The following WARS1 variants were observed in gnomAD, a reference collection of about 807,000 sequenced individuals.
The protein encoded by WARS1 is tryptophan--tRNA ligase, cytoplasmic.
WARS1 carries 17 observed loss-of-function variants against 47.8 expected under a neutral mutation model. The ratio of observed to expected loss-of-function variants is 0.36; its 90% CI spans 0.24 to 0.53. The LOEUF (loss-of-function observed/expected upper bound fraction) is 0.53. WARS1 is among the 20% of genes least tolerant of loss of function. The pLI, the probability that WARS1 is intolerant of heterozygous loss-of-function variation, is 0.91. For missense variants in WARS1, 434 were observed against 608.0 expected (o/e 0.71, Z 3.01); for synonymous variants, 208 against 228.1 (o/e 0.91, Z 0.79).
chr14:100,366,980 A>C, intron 2 of WARS1: 1 of 1,310,456 alleles, frequency 7.6e-7, no homozygotes, highest in Non-Finnish European at 1.1e-6. Context: ...AGATTTCTTC[A>C]CTGTAGCCTA....
chr14:100,352,633 C>T (rs1895069627), intron 6 of WARS1, among the ~76,000 whole-genome samples: 1 of 152,162 alleles, frequency 6.6e-6, no homozygotes, highest in Non-Finnish European at 1.5e-5. Flanking sequence ...TGGGGAATCA[C>T]TTTAGGGGAG....
At chr14:100,342,264 TC>T in intron 9 of WARS1, 133 bp downstream of exon 9, 1 of 1,277,026 alleles carries the variant, frequency 7.8e-7, no homozygotes, top group Non-Finnish European at 1.1e-6. Flanking sequence ...AAGTTGGCAA[TC>T]CTGGAGTTCA....
intron 2 of WARS1, chr14:100,366,598 G>A: frequency 2.8e-6 from 2 of 715,906 alleles, no homozygotes; most frequent in Non-Finnish European, 5.1e-6. Flanking sequence ...AGAGTTGAGT[G>A]TCCTGAGAGG....
intron 2 of WARS1, chr14:100,367,048 TAA>T (rs555512348): frequency 1.6e-5 from 10 of 610,730 alleles, no homozygotes; most frequent in African/African-American, 3.8e-5. Flanking sequence ...AAAATAAGAT[TAA>T]AAAAAAAAAT....
chr14:100,356,318 T>C (rs950395945), intron 4 of WARS1, among the ~76,000 whole-genome samples: 3 of 147,526 alleles, frequency 2.0e-5, no homozygotes, highest in African/African-American at 7.4e-5. Context: ...AACCATGCCA[T>C]GCTAAGATAA....
At chr14:100,346,884 C>G in intron 6 of WARS1, 38 bp from the exon 7 acceptor site, 1 of 1,575,524 alleles carries the variant, frequency 6.3e-7, no homozygotes, top group Non-Finnish European at 8.7e-7. Flanking sequence ...AAACGGAGGG[C>G]GGCCTTCACT....
At chr14:100,364,116 A>T (rs986875989) in intron 2 of WARS1, among the ~76,000 whole-genome samples, 1 of 152,188 alleles carries the variant, frequency 6.6e-6, no homozygotes, top group African/African-American at 2.4e-5. Flanking sequence ...GTGAAAATTC[A>T]GTGAGGTGCC....
At chr14:100,344,914 G>A (rs548745226) in intron 7 of WARS1, among the ~76,000 whole-genome samples, 1,766 of 149,936 alleles carry the variant, frequency 0.012, 103 homozygotes, top group Admixed American at 0.098. Flanking sequence ...AGTGAGGAGC[G>A]TCTCCGCCCA....
intron 9 of WARS1, among the ~76,000 whole-genome samples, chr14:100,337,877 AAAATAAATAAAT>A: frequency 6.6e-6 from 1 of 152,182 alleles, no homozygotes; most frequent in East Asian, 1.9e-4. Context: ...AAAAACTAAA[AAAATAAATAAAT>A]AAAAGAAAAA....
Position 100,356,076 on chromosome 14 carries a change from C to G in WARS1, c.423-1510G>C, listed in dbSNP as rs192716753. On this transcript the variant is annotated intron_variant, in intron 4 of 10. Coordinates refer to ENST00000392882, the MANE Select transcript of WARS1 (RefSeq NM_004184.4). ...CATGTTTTATGAGGATGGATTCCAGCAGAGACTCATTCAGCTACTAAGGGA... is the reference window on the plus strand; with the variant it reads ...CATGTTTTATGAGGATGGATTCCAGGAGAGACTCATTCAGCTACTAAGGGA... 5.9e-5 allele frequency among the ~76,000 whole-genome samples: 9 copies of G among 152,236 alleles called. No homozygotes were observed. In the East Asian group the frequency reaches 1.7e-3, roughly 29 times the overall value.
chr14:100,355,741 T>C (rs987598974), intron 4 of WARS1, among the ~76,000 whole-genome samples: 34 of 152,232 alleles, frequency 2.2e-4, no homozygotes, highest in African/African-American at 7.5e-4. Flanking sequence ...ACATTGCTTA[T>C]CTCTGGACAG....
rs762143188 is a variant in WARS1 at position 100,360,702 on chromosome 14, G to A, written c.314-40C>T. ...AAGATGACTTTCTTAGGTGGCAGGA[G>A]GTTTAGTGATCAGATATTACTGAAA... On this transcript the variant is annotated intron_variant, in intron 3 of 10. Coordinates refer to ENST00000392882, the MANE Select transcript of WARS1 (RefSeq NM_004184.4). The A allele has an allele frequency of 6.0e-5, 88 of 1,470,572 alleles. No homozygotes were observed. The Admixed American group carries it at 1.4e-3, about 24-fold the overall frequency. 91.1% of individuals were successfully genotyped at this position (1,470,572 alleles called of 1,614,324 possible). A position where few individuals can be genotyped will look rare whatever the true frequency, so the allele number is the denominator to read the frequency against.
intron 7 of WARS1, among the ~76,000 whole-genome samples, chr14:100,344,236 C>T (rs1340372545): frequency 6.6e-6 from 1 of 152,126 alleles, no homozygotes; most frequent in Admixed American, 6.5e-5. Context: ...GCGCGCGCCG[C>T]CACGCCTGAC....
intron 2 of WARS1, among the ~76,000 whole-genome samples, chr14:100,363,416 C>T (rs1017237568): frequency 5.3e-5 from 8 of 152,244 alleles, no homozygotes; most frequent in Admixed American, 2.6e-4. Context: ...CTGATGTTAG[C>T]TGGGTGCAGT....
intron 7 of WARS1, 28 bp from the exon 8 acceptor site, chr14:100,343,415 C>A (rs187947776): frequency 9.8e-4 from 1,527 of 1,556,550 alleles, no homozygotes; most frequent in Non-Finnish European, 1.2e-3. Flanking sequence ...TATTTTTACA[C>A]GTGAGATGAG....
At chr14:100,350,928 T>C (rs1407324634) in intron 6 of WARS1, among the ~76,000 whole-genome samples, 1 of 151,970 alleles carries the variant, frequency 6.6e-6, no homozygotes, top group East Asian at 1.9e-4. Context: ...TTAGCTAAGC[T>C]GGGGGTGGCA....
intron 3 of WARS1, among the ~76,000 whole-genome samples, chr14:100,361,004 T>C (rs185338188): frequency 2.8e-4 from 43 of 152,074 alleles, no homozygotes; most frequent in African/African-American, 9.4e-4. Flanking sequence ...TAGGTATATA[T>C]ATATATATTT....
chr14:100,375,117 T>C (rs1566874296), intron 1 of WARS1, among the ~76,000 whole-genome samples, 166 bp downstream of exon 1: 1 of 152,196 alleles, frequency 6.6e-6, no homozygotes, highest in African/African-American at 2.4e-5. Flanking sequence ...AGGATCTCTG[T>C]TCCCTATGGG....
At chr14:100,374,725 A>C (rs1236410708) in intron 1 of WARS1, 1 of 152,200 alleles carries the variant, frequency 6.6e-6, no homozygotes, top group Non-Finnish European at 1.5e-5. Context: ...TACCACCAGG[A>C]GGTAGAATAC....
Sources: allele counts gnomAD v4.1 joint callset (sites outside exome capture counted in the v4.1 genomes callset), GRCh38; gene constraint gnomAD v4.1.1; transcripts MANE v1.5; gene names NCBI Gene and HGNC (gene_info 2026-07-23, HGNC 2026-07-21).